OXA1L: variants seen among roughly 807,000 people sequenced by gnomAD.
OXA1L encodes the protein mitochondrial inner membrane protein OXA1L.
Under a neutral mutation model 52.2 loss-of-function variants are expected in OXA1L, and 42 were observed. The ratio of observed to expected loss-of-function variants is 0.80; its 90% CI spans 0.63 to 1.04. The LOEUF (loss-of-function observed/expected upper bound fraction) is 1.04. Ranked by LOEUF, OXA1L falls within the 50% of genes least tolerant of loss-of-function variation. The pLI is 0.00. For missense variants in OXA1L, 572 were observed against 555.0 expected (o/e 1.03, Z -0.31); for synonymous variants, 239 against 201.9 (o/e 1.18, Z -1.56).
chr14:22,771,198 G>A lies in OXA1L; in HGVS notation c.1102+18G>A, dbSNP rs754108102. 6.2e-7 allele frequency: 1 copy of A among 1,613,356 alleles called. No homozygotes were observed. Among genetic ancestry groups the A allele is most frequent in the Admixed American group, 1.7e-5 (1 of 59,928 alleles). On this transcript the variant is annotated intron_variant, in intron 8 of 9. Transcript: ENST00000612549. ...CAAAAAAGGTAAGGGCTCATCCTCTGTGAAAAAGGACTAGGGAAAGGGGTC... is the reference window on the plus strand; with the variant it reads ...CAAAAAAGGTAAGGGCTCATCCTCTATGAAAAAGGACTAGGGAAAGGGGTC...
At chr14:22,771,221 G>T (rs1386626109) in intron 8 of OXA1L, 41 bp downstream of exon 8, 10 of 1,612,736 alleles carry the variant, frequency 6.2e-6, no homozygotes, top group Non-Finnish European at 8.5e-6. Context: ...AGGGAAAGGG[G>T]TCTAAAAATA....
chr14:22,770,734 G>A, intron 6 of OXA1L, 71 bp from the exon 7 acceptor site: 1 of 1,545,696 alleles, frequency 6.5e-7, no homozygotes, highest in Non-Finnish European at 8.9e-7. Flanking sequence ...GAGTTGATGG[G>A]TAAGAGATTA....
rs1485575370 is a variant in OXA1L at position 22,767,320 on chromosome 14, C to G, written c.136C>G (p.Pro46Ala). 15 of 1,613,736 alleles carry G rather than the reference C, an allele frequency of 9.3e-6. No individual in the cohort carries two copies. Among genetic ancestry groups the G allele is most frequent in the Non-Finnish European group, 1.3e-5 (15 of 1,179,842 alleles). Residue 46 changes from proline (P) to alanine (A), a missense_variant, in exon 2 of 10, where the codon CCG becomes GCG. This residue lies in a region of OXA1L where 186 missense variants were observed against 151.8 expected (regional missense o/e 1.23). Coordinates refer to ENST00000612549, the MANE Select transcript of OXA1L (RefSeq NM_005015.5). ...LTTRLLFPAAPCCCRPHYLFL... is the reference protein window; with the variant it reads ...LTTRLLFPAAACCCRPHYLFL... ...CACACGGCTCCTATTCCCAGCAGCCCCGTGCTGCTGTCGCCCACACTACCT... is the reference window on the plus strand; with the variant it reads ...CACACGGCTCCTATTCCCAGCAGCCGCGTGCTGCTGTCGCCCACACTACCT...
In OXA1L at chr14:22,772,508, A is replaced by AAAAAC. The variant is rs2038487982; in HGVS notation, c.*954_*955insCAAAA. 2.9e-5 allele frequency: 4 copies of AAAAAC among 137,714 alleles called. No homozygotes were observed. The South Asian group carries it at 9.6e-4, about 33-fold the overall frequency. The allele number at this position is 137,714 out of a possible 1,614,324, so 8.5% of individuals were successfully genotyped here. A position where few individuals can be genotyped will look rare whatever the true frequency, so the allele number is the denominator to read the frequency against. ...CTTCTCAAAAAAAAAAAAAAAAAAA[A>AAAAAC]AAAAAAAAAAACAGTTTAAACTTCC... On this transcript the variant is annotated 3_prime_UTR_variant, in exon 10 of 10. Coordinates refer to ENST00000612549, the MANE Select transcript of OXA1L (RefSeq NM_005015.5).
Position 22,771,174 on chromosome 14 carries a change from A to C in OXA1L, c.1096A>C (p.Lys366Gln). The change falls in exon 8 of 10, where the codon AAA (lysine) becomes CAA (glutamine). Residue 366 changes from lysine to glutamine, a missense_variant. By Grantham distance (53) the Lys-to-Gln change is moderately conservative. Transcript: ENST00000612549. ...PPREGFLESF[K>Q]KGWKNAEMTR... ...ACGGGAAGGCTTCCTAGAGAGCTTC[A>C]AAAAAGGTAAGGGCTCATCCTCTGT... 6.2e-7 allele frequency: 1 copy of C among 1,614,076 alleles called. No individual in the cohort carries two copies. Among genetic ancestry groups the C allele is most frequent in the Non-Finnish European group, 8.5e-7 (1 of 1,179,940 alleles).
chr14:22,767,545 A>G (rs1245793384), intron 2 of OXA1L, 136 bp downstream of exon 2: 1 of 682,742 alleles, frequency 1.5e-6, no homozygotes, highest in Non-Finnish European at 2.4e-6. Context: ...AAATGATAGC[A>G]TCTCTGCTTA....
chr14:22,771,390 C>G (rs1255332467), intron 9 of OXA1L, 42 bp downstream of exon 9: 3 of 1,613,834 alleles, frequency 1.9e-6, no homozygotes, highest in Non-Finnish European at 1.7e-6. Context: ...TTTGTTTCTT[C>G]CTTTCTGTTC....
At chr14:22,769,518 CCACT>C (rs2038439300) in intron 3 of OXA1L, among the ~76,000 whole-genome samples, 1 of 152,202 alleles carries the variant, frequency 6.6e-6, no homozygotes, top group Admixed American at 6.5e-5. Context: ...ATTGCTAAAT[CCACT>C]CCTGTCAGCT....
intron 1 of OXA1L, 71 bp downstream of exon 1, chr14:22,766,835 T>C (rs1264616405): frequency 1.3e-6 from 2 of 1,595,720 alleles, no homozygotes; most frequent in South Asian, 2.2e-5. Context: ...GGACAGCTCG[T>C]GCTAGGGGTA....
Position 22,771,600 on chromosome 14 carries a change from A to G in OXA1L, c.*42A>G, listed in dbSNP as rs200130479. On this transcript the variant is annotated 3_prime_UTR_variant, in exon 10 of 10. Coordinates refer to ENST00000612549, the MANE Select transcript of OXA1L (RefSeq NM_005015.5). ...ATTCTGGCAGGAATTCTGTCTCTTC[A>G]GAGACTCATCCTCAAAACAAGACTT... is the stretch of plus-strand genomic sequence containing the variant. The G allele has an allele frequency of 6.2e-7, 1 of 1,608,408 alleles. No individual in the cohort carries two copies. Among genetic ancestry groups the G allele is most frequent in the African/African-American group, 1.3e-5 (1 of 74,842 alleles).
Position 22,772,868 on chromosome 14 carries a change from T to C in OXA1L, c.*1310T>C, listed in dbSNP as rs1476882014. On this transcript the variant is annotated 3_prime_UTR_variant, in exon 10 of 10. Transcript: ENST00000612549. Reference sequence around the variant, plus strand: ...AGCTGAGCATGGTGGTGCTTGTCCATAGTCCCAGCTACCTGGGAGGCTGAG... The same window carrying C: ...AGCTGAGCATGGTGGTGCTTGTCCACAGTCCCAGCTACCTGGGAGGCTGAG... 5.9e-6 allele frequency: 1 copy of C among 168,884 alleles called. No homozygotes were observed. Among genetic ancestry groups the C allele is most frequent in the Non-Finnish European group, 1.3e-5 (1 of 78,052 alleles). The allele number at this position is 168,884 out of a possible 1,614,324, so 10.5% of individuals were successfully genotyped here.
intron 2 of OXA1L, chr14:22,767,755 GA>G: frequency 1.9e-6 from 1 of 523,640 alleles, no homozygotes; most frequent in Non-Finnish European, 3.4e-6. Flanking sequence ...GGAAGTCATG[GA>G]TTCTTACTCA....
At chr14:22,766,883 C>A (rs1375634616) in intron 1 of OXA1L, 119 bp downstream of exon 1, 61 of 1,550,440 alleles carry the variant, frequency 3.9e-5, no homozygotes, top group Non-Finnish European at 4.3e-5. Context: ...ACCTGAATGT[C>A]ATGACCTCGG....
chr14:22,767,649 G>T (rs2038421027), intron 2 of OXA1L: 3 of 513,154 alleles, frequency 5.8e-6, no homozygotes, highest in Admixed American at 3.7e-5. Flanking sequence ...AAAAGCAATT[G>T]TTTCATGTTA....
At chr14:22,767,762 AC>A in intron 2 of OXA1L, 195 bp from the exon 3 acceptor site, 1 of 531,462 alleles carries the variant, frequency 1.9e-6, no homozygotes. Flanking sequence ...ATGGATTCTT[AC>A]TCAAAGTAAC....
chr14:22,766,930 T>G (rs2038410385), intron 1 of OXA1L, 166 bp downstream of exon 1: 1 of 1,513,780 alleles, frequency 6.6e-7, no homozygotes, highest in East Asian at 2.4e-5. Context: ...TCCCCGACAC[T>G]ATGGGCCCAG....
At chr14:22,768,274 G>A in intron 3 of OXA1L, 103 bp downstream of exon 3, 1 of 852,058 alleles carries the variant, frequency 1.2e-6, no homozygotes, top group Non-Finnish European at 1.9e-6. Flanking sequence ...GGGGTCAGAA[G>A]AGCAGATGAT....
chr14:22,770,865 AT>A lies in OXA1L; in HGVS notation c.896del (p.Met299ArgfsTer4). On this transcript the variant is annotated frameshift_variant, in exon 7 of 10. Transcript: ENST00000612549. LOFTEE classifies it high-confidence loss of function. The part of the protein sequence containing the change: ...DLQWMRNVIR[M>X]MPLITLPITM... ...TCAGTGGATGAGAAATGTCATCAGA[AT>A]GATGCCCCTGATAACCTTGCCCATA... is the stretch of plus-strand genomic sequence containing the variant. The A allele has an allele frequency of 6.2e-7, 1 of 1,614,204 alleles. No individual in the cohort carries two copies. Among genetic ancestry groups the A allele is most frequent in the Non-Finnish European group, 8.5e-7 (1 of 1,180,010 alleles).
chr14:22,767,406 C>T lies in OXA1L; in HGVS notation c.222C>T (p.Val74=), dbSNP rs774854134. ...CCTCTGCTATCTCTTTTGCAGAAGT[C>T]CAGGTAAGAGGCCTTTCGTTCCTGC... ...LSTSAISFAE[V]QVQAPPVVAA... is the part of the protein sequence containing the mutation. The change falls in exon 2 of 10, where the codon GTC becomes GTT. Residue 74 remains valine (V), a synonymous_variant. Coordinates refer to ENST00000612549, the MANE Select transcript of OXA1L (RefSeq NM_005015.5). The T allele has an allele frequency of 6.9e-6, 11 of 1,600,794 alleles. No homozygotes were observed. The highest frequency in any genetic ancestry group is 1.3e-5 in the African/African-American group (1 of 74,142).
Sources: gnomAD v4.1 joint callset for allele counts (sites outside exome capture counted in the v4.1 genomes callset) on GRCh38, gnomAD v4.1.1 for gene constraint, gnomAD v4.1.1 regional missense constraint, MANE v1.5 for transcripts, NCBI Gene and HGNC (gene_info 2026-07-23, HGNC 2026-07-21) for gene names.